Variants in MYO6 observed in about 807,000 individuals in gnomAD.
The protein encoded by MYO6 is myosin VI.
MYO6 carries 74 observed loss-of-function variants against 178.7 expected under a neutral mutation model. The ratio of observed to expected loss-of-function variants is 0.41; its 90% CI spans 0.34 to 0.50. The LOEUF is 0.50. MYO6 is among the 20% of genes least tolerant of loss of function. The pLI, the probability that MYO6 is intolerant of heterozygous loss-of-function variation, is 0.09. For missense variants in MYO6, 1,330 were observed against 1,547.4 expected (o/e 0.86, Z 2.36); for synonymous variants, 477 against 504.6 (o/e 0.95, Z 0.73).
At chr6:75,778,160 A>G (rs528123179) in intron 1 of MYO6, among the ~76,000 whole-genome samples, 2 of 152,260 alleles carry the variant, frequency 1.3e-5, no homozygotes, top group Admixed American at 1.3e-4. Context: ...CACCCAATGA[A>G]TATAGTATAT....
At chr6:75,869,974 C>T (rs769642433) in intron 18 of MYO6, among the ~76,000 whole-genome samples, 8 of 151,620 alleles carry the variant, frequency 5.3e-5, no homozygotes, top group East Asian at 1.9e-4. Flanking sequence ...ATTTGCTGGG[C>T]GTGGTGGTGG....
chr6:75,871,980 T>C (rs1777191790), intron 19 of MYO6, among the ~76,000 whole-genome samples: 1 of 151,698 alleles, frequency 6.6e-6, no homozygotes, highest in Non-Finnish European at 1.5e-5. Context: ...AATACAAAAA[T>C]TAGCTGGGCA....
Position 75,918,467 on chromosome 6 carries a change from G to A in MYO6, c.*3455G>A, listed in dbSNP as rs960921960. 1.7e-4 allele frequency: 26 copies of A among 152,220 alleles called. No individual in the cohort carries two copies. Among genetic ancestry groups the A allele is most frequent in the African/African-American group, 5.8e-4 (24 of 41,452 alleles). 9.4% of individuals were successfully genotyped at this position (152,220 alleles called of 1,614,324 possible). A position where few individuals can be genotyped will look rare whatever the true frequency, so the allele number is the denominator to read the frequency against. On this transcript the variant is annotated 3_prime_UTR_variant, in exon 35 of 35. Coordinates refer to ENST00000369977, the MANE Select transcript of MYO6 (RefSeq NM_004999.4). ...TACGAAATTTTAGAATGAATAATGT[G>A]TAATTTATAGGATCAGAACGTATGG...
At chr6:75,790,691 C>T (rs905747650) in intron 1 of MYO6, among the ~76,000 whole-genome samples, 4 of 152,050 alleles carry the variant, frequency 2.6e-5, no homozygotes, top group African/African-American at 9.7e-5. Flanking sequence ...GAAATAGTAT[C>T]TCATTTTTCG....
At position 75,914,822 on chromosome 6, in the gene MYO6, A is replaced by G. The variant is rs1285327960; in HGVS notation, c.3668A>G (p.Asp1223Gly). Residue 1223 changes from aspartate (D) to glycine (G), a missense_variant, in exon 35 of 35, where the codon GAC (aspartate) becomes GGC (glycine). By Grantham distance (94) the Asp-to-Gly change is moderately conservative (BLOSUM62 -1). This residue lies in a region of MYO6 where 601 missense variants were observed against 626.1 expected (regional missense o/e 0.96). Coordinates refer to ENST00000369977, the MANE Select transcript of MYO6 (RefSeq NM_004999.4). Reference protein sequence around the residue: ...PPILLVAGKDDMEMCELNLEE... With the variant: ...PPILLVAGKDGMEMCELNLEE... ...TATCTCATGAATACAGGTAAGGACG[A>G]CATGGAGATGTGTGAGCTGAATCTT... 6 of 1,614,192 alleles carry G rather than the reference A, an allele frequency of 3.7e-6. No homozygotes were observed. The highest frequency in any genetic ancestry group is 2.2e-5 in the South Asian group (2 of 91,084).
intron 1 of MYO6, among the ~76,000 whole-genome samples, chr6:75,774,765 G>A (rs896077510): frequency 6.6e-6 from 1 of 151,848 alleles, no homozygotes; most frequent in African/African-American, 2.4e-5. Flanking sequence ...TAAAACTGGG[G>A]GAGTTTATTG....
At chr6:75,786,863 C>A (rs1767618953) in intron 1 of MYO6, among the ~76,000 whole-genome samples, 4 of 152,178 alleles carry the variant, frequency 2.6e-5, no homozygotes, top group Admixed American at 1.3e-4. Flanking sequence ...TTCTTGATAG[C>A]AGAATCATTA....
At chr6:75,828,337 T>C (rs983557202) in intron 3 of MYO6, among the ~76,000 whole-genome samples, 2 of 152,216 alleles carry the variant, frequency 1.3e-5, no homozygotes, top group African/African-American at 2.4e-5. Context: ...CTTAAAAATA[T>C]CACTGTAACA....
At chr6:75,789,193 C>T (rs1387974220) in intron 1 of MYO6, among the ~76,000 whole-genome samples, 1 of 152,074 alleles carries the variant, frequency 6.6e-6, no homozygotes, top group African/African-American at 2.4e-5. Flanking sequence ...TCTAAAATAT[C>T]ATGAATTCTA....
chr6:75,809,909 A>C (rs112615133), intron 1 of MYO6, among the ~76,000 whole-genome samples: 10 of 149,086 alleles, frequency 6.7e-5, no homozygotes, highest in Non-Finnish European at 8.9e-5. Flanking sequence ...CTAAAAAAAA[A>C]AAAAAAACAA....
rs146133231 is a variant in MYO6, at chr6:75,915,315, A to G, written c.*303A>G. 570 of 408,108 alleles carry G rather than the reference A, an allele frequency of 1.4e-3. No homozygotes were observed. Among genetic ancestry groups the G allele is most frequent in the Non-Finnish European group, 2.1e-3 (466 of 219,660 alleles). 25.3% of individuals were successfully genotyped at this position (408,108 alleles called of 1,614,324 possible). ...CAGAAGACTACCTTACATCCATCGT[A>G]ATTGTTCTCTAGGAAAAGAGAACTT... On this transcript the variant is annotated 3_prime_UTR_variant, in exon 35 of 35. Coordinates refer to ENST00000369977, the MANE Select transcript of MYO6 (RefSeq NM_004999.4).
chr6:75,858,665 A>G (rs1775938164), intron 13 of MYO6, among the ~76,000 whole-genome samples: 1 of 152,188 alleles, frequency 6.6e-6, no homozygotes, highest in Admixed American at 6.5e-5. Context: ...TACAACATTT[A>G]TCTCATTTGA....
chr6:75,840,318 C>G (rs975577847), intron 7 of MYO6, among the ~76,000 whole-genome samples: 1 of 151,840 alleles, frequency 6.6e-6, no homozygotes, highest in Admixed American at 6.6e-5. Flanking sequence ...TGCACCTCCA[C>G]GCCTGGCTAA....
chr6:75,820,773 C>T (rs535242626), intron 2 of MYO6, among the ~76,000 whole-genome samples: 1 of 152,294 alleles, frequency 6.6e-6, no homozygotes, highest in African/African-American at 2.4e-5. Context: ...CAATCTCTCC[C>T]TCCCCCCCAT....
chr6:75,774,081 C>T (rs1335950338), intron 1 of MYO6, among the ~76,000 whole-genome samples: 1 of 152,134 alleles, frequency 6.6e-6, no homozygotes, highest in Non-Finnish European at 1.5e-5. Context: ...CATAATGATA[C>T]TACTGTAACA....
At chr6:75,875,618 G>A (rs1257184545) in intron 20 of MYO6, among the ~76,000 whole-genome samples, 1 of 152,208 alleles carries the variant, frequency 6.6e-6, no homozygotes, top group Non-Finnish European at 1.5e-5. Context: ...TTAAATTTAA[G>A]TAGTCTTATG....
intron 3 of MYO6, among the ~76,000 whole-genome samples, chr6:75,823,702 G>T (rs13436995): frequency 1.9e-3 from 283 of 152,340 alleles, no homozygotes; most frequent in African/African-American, 6.5e-3. Context: ...ACTAGTGGGA[G>T]TAATGGGGAG....
At position 75,809,043 on chromosome 6, in the gene MYO6, A is replaced by T. The variant is rs558521210; in HGVS notation, c.-47-8458A>T. Among the ~76,000 whole-genome samples the T allele has an allele frequency of 2.0e-5, 3 of 152,342 alleles. No homozygotes were observed. In the East Asian group the frequency reaches 5.8e-4, roughly 29 times the overall value. The stretch of plus-strand genomic sequence containing the variant: ...ACAATATGGCAGAAGAAGCAATGAG[A>T]TATGCGTTTGTCTCACATGAGCCTC... On this transcript the variant is annotated intron_variant, in intron 1 of 34. Transcript: ENST00000369977.
intron 32 of MYO6, among the ~76,000 whole-genome samples, chr6:75,910,633 G>T (rs1443856645): frequency 6.6e-6 from 1 of 152,116 alleles, no homozygotes; most frequent in Non-Finnish European, 1.5e-5. Flanking sequence ...CAGAGAACTT[G>T]ATTATGAGTC....
Sources: gnomAD v4.1 joint callset for allele counts (sites outside exome capture counted in the v4.1 genomes callset) on GRCh38, gnomAD v4.1.1 for gene constraint, gnomAD v4.1.1 regional missense constraint, MANE v1.5 for transcripts, NCBI Gene and HGNC (gene_info 2026-07-23, HGNC 2026-07-21) for gene names.